SCAMP5: variants seen among roughly 807,000 people sequenced by gnomAD.
SCAMP5 encodes the protein secretory carrier-associated membrane protein 5.
Under a neutral mutation model 28.3 loss-of-function variants are expected in SCAMP5, and 7 were observed. The ratio of observed to expected loss-of-function variants is 0.25; its 90% confidence interval spans 0.14 to 0.46. SCAMP5 has a LOEUF of 0.46. Ranked by LOEUF, SCAMP5 falls within the 20% of genes least tolerant of loss-of-function variation. The pLI is 0.99. For synonymous variants in SCAMP5, 117 were observed against 116.4 expected (o/e 1.00, Z -0.03); for missense variants, 192 against 312.5 (o/e 0.61, Z 2.91).
chr15:75,018,808 G>A lies in SCAMP5; in HGVS notation c.533G>A (p.Gly178Glu), dbSNP rs1461389640. 6.2e-7 allele frequency: 1 copy of A among 1,605,260 alleles called. No homozygotes were observed. The highest frequency in any genetic ancestry group is 1.1e-5 in the South Asian group (1 of 89,136). ...ALSMVHKFYR[G>E]SGGSFSKAQE... ...CTACAGGTTCATAAATTTTACCGGG[G>A]AAGTGGGGGGAGTTTCAGCAAAGCT... The change falls in exon 7 of 7, where the codon GGA becomes GAA. Residue 178 changes from glycine to glutamate, a missense_variant. Transcript: ENST00000425597. This position sits in a 1 kb window ranked among gnomAD's most constrained non-coding sequence, Gnocchi z 5.6.
At chr15:75,004,189 C>G (rs923955968) in intron 1 of SCAMP5, among the ~76,000 whole-genome samples, 1 of 152,062 alleles carries the variant, frequency 6.6e-6, no homozygotes, top group Non-Finnish European at 1.5e-5. Context: ...CAGGCGTGAG[C>G]CACCACGTCT....
intron 1 of SCAMP5, among the ~76,000 whole-genome samples, chr15:75,003,408 T>G (rs2065727563): frequency 1.3e-5 from 2 of 152,342 alleles, no homozygotes; most frequent in Admixed American, 1.3e-4. Context: ...ATTTTTTTCT[T>G]GATATCCTTC....
rs563902936 is a variant in SCAMP5, at chr15:75,016,150, G to T, written c.137-443G>T. Among the ~76,000 whole-genome samples, 3 of 152,146 alleles carry T rather than the reference G, an allele frequency of 2.0e-5. No individual in the cohort carries two copies. In the South Asian group the frequency reaches 6.2e-4, roughly 32 times the overall value. Reference sequence around the variant, plus strand: ...ATTGCTGTGAGTCTGGGAGGGTCAGGGGCTGAAGCCATTCTTGACAAGGAC... The same window carrying T: ...ATTGCTGTGAGTCTGGGAGGGTCAGTGGCTGAAGCCATTCTTGACAAGGAC... On this transcript the variant is annotated intron_variant, in intron 3 of 6. Transcript: ENST00000425597.
chr15:75,001,246 G>A (rs892239944), intron 1 of SCAMP5, among the ~76,000 whole-genome samples: 6 of 135,190 alleles, frequency 4.4e-5, no homozygotes, highest in African/African-American at 1.7e-4. Context: ...CTGCACTCCA[G>A]CCTGGGCGAC....
chr15:75,005,260 T>C (rs9672995), intron 1 of SCAMP5, among the ~76,000 whole-genome samples: 45,747 of 151,344 alleles, frequency 0.3, 7,859 homozygotes, highest in South Asian at 0.58. Context: ...GTCGGGAGTT[T>C]GAGACCAGCC....
chr15:75,021,353 T>G lies in SCAMP5; in HGVS notation c.*2370T>G, dbSNP rs1368495900. 6.6e-6 allele frequency: 1 copy of G among 152,276 alleles called. No homozygotes were observed. Among genetic ancestry groups the G allele is most frequent in the Non-Finnish European group, 1.5e-5 (1 of 68,102 alleles). 9.4% of individuals were successfully genotyped at this position (152,276 alleles called of 1,614,324 possible). ...GGTCAGTTCTGGGGTCCCAGTGACC[T>G]GCTTTGCCATTCTCCTGGTGCCGCT... On this transcript the variant is annotated 3_prime_UTR_variant, in exon 7 of 7. Coordinates refer to ENST00000425597, the MANE Select transcript of SCAMP5 (RefSeq NM_138967.4).
chr15:75,004,341 T>C (rs2065736324), intron 1 of SCAMP5, among the ~76,000 whole-genome samples: 2 of 152,210 alleles, frequency 1.3e-5, no homozygotes, highest in Admixed American at 6.5e-5. Flanking sequence ...GTTTCTGCTT[T>C]ATGTATATGT....
At position 75,018,921 on chromosome 15, in the gene SCAMP5, A is replaced by G; in HGVS notation, c.646A>G (p.Met216Val). ...NAAMGAAQGA[M>V]NQPQTQYSAT... ...AGCCATGGGGGCAGCCCAGGGTGCC[A>G]TGAATCAGCCTCAGACTCAGTATTC... Residue 216 changes from methionine to valine, a missense_variant, in exon 7 of 7, where the codon ATG (methionine) becomes GTG (valine). Physicochemically the swap from Met to Val is conservative, Grantham distance 21. Transcript: ENST00000425597. This position sits in a 1 kb window ranked among gnomAD's most constrained non-coding sequence, Gnocchi z 5.6. 2.5e-6 allele frequency: 4 copies of G among 1,574,252 alleles called. No homozygotes were observed. Among genetic ancestry groups the G allele is most frequent in the South Asian group, 1.2e-5 (1 of 84,102 alleles).
chr15:75,012,927 T>G (rs950681337), intron 3 of SCAMP5, 122 bp downstream of exon 3: 12 of 928,196 alleles, frequency 1.3e-5, no homozygotes, highest in Admixed American at 1.1e-4. Context: ...TTGTGGCATA[T>G]GCATGGACCA....
intron 1 of SCAMP5, among the ~76,000 whole-genome samples, chr15:75,002,259 C>G (rs1324538285): frequency 1.3e-5 from 2 of 151,942 alleles, no homozygotes; most frequent in Non-Finnish European, 2.9e-5. Flanking sequence ...CTGTTAGGAT[C>G]AAGGCTTGTC....
chr15:75,012,420 A>G (rs2065819679), intron 2 of SCAMP5, among the ~76,000 whole-genome samples: 1 of 152,200 alleles, frequency 6.6e-6, no homozygotes, highest in African/African-American at 2.4e-5. Flanking sequence ...AGACAGTGTC[A>G]CTCAGAATTA....
chr15:75,016,099 C>G (rs779656247), intron 3 of SCAMP5, among the ~76,000 whole-genome samples: 35 of 152,116 alleles, frequency 2.3e-4, no homozygotes, highest in South Asian at 6.2e-4. Context: ...AGTGTAAGGT[C>G]GGTTTCCCAT....
Position 75,016,741 on chromosome 15 carries a change from G to T in SCAMP5, c.285G>T (p.Lys95Asn). The change falls in exon 4 of 7, where the codon AAG becomes AAT. Residue 95 changes from lysine (K) to asparagine (N), a missense_variant. Lys to Asn is a moderately conservative substitution (Grantham distance 94, BLOSUM62 0). Transcript: ENST00000425597. ...TCTGCTGGTTTCGGCCCATTTACAA[G>T]GCCTTCAAGTAAGTGGTTGGTGCTA... ...SYVCWFRPIYKAFKTDSSFSF... is the reference protein window; with the variant it reads ...SYVCWFRPIYNAFKTDSSFSF... The T allele has an allele frequency of 6.2e-7, 1 of 1,613,430 alleles. No individual in the cohort carries two copies. Among genetic ancestry groups the T allele is most frequent in the Non-Finnish European group, 8.5e-7 (1 of 1,179,662 alleles).
intron 1 of SCAMP5, among the ~76,000 whole-genome samples, chr15:75,010,209 C>G (rs2065798492): frequency 6.6e-6 from 1 of 152,138 alleles, no homozygotes; most frequent in African/African-American, 2.4e-5. Context: ...CATGTTTGTA[C>G]CCTCCAGATT....
intron 1 of SCAMP5, among the ~76,000 whole-genome samples, chr15:74,998,775 T>C (rs2065675567): frequency 6.6e-6 from 1 of 151,612 alleles, no homozygotes; most frequent in African/African-American, 2.4e-5. Flanking sequence ...CCCCAGATTC[T>C]CTCTGCCCTA....
Position 75,019,959 on chromosome 15 carries a change from C to T in SCAMP5, c.*976C>T. 6.5e-6 allele frequency: 1 copy of T among 153,418 alleles called. No individual in the cohort carries two copies. The highest frequency in any genetic ancestry group is 1.5e-5 in the Non-Finnish European group (1 of 68,702). 9.5% of individuals were successfully genotyped at this position (153,418 alleles called of 1,614,324 possible). A position where few individuals can be genotyped will look rare whatever the true frequency, so the allele number is the denominator to read the frequency against. ...CCCCTTGAGCCCCTCTGCCTATGTC[C>T]CTCTGCCTCCTCCCCATGCCCCCAG... On this transcript the variant is annotated 3_prime_UTR_variant, in exon 7 of 7. Coordinates refer to ENST00000425597, the MANE Select transcript of SCAMP5 (RefSeq NM_138967.4).
chr15:75,002,682 C>G (rs2065720945), intron 1 of SCAMP5, among the ~76,000 whole-genome samples: 1 of 151,900 alleles, frequency 6.6e-6, no homozygotes, highest in Non-Finnish European at 1.5e-5. Context: ...TCTGGGCTTT[C>G]CTCGTGTCTC....
chr15:75,003,033 C>T (rs1371449600), intron 1 of SCAMP5, among the ~76,000 whole-genome samples: 2 of 152,264 alleles, frequency 1.3e-5, no homozygotes, highest in African/African-American at 4.8e-5. Flanking sequence ...TGGGCTCAAG[C>T]GATTCTCCTG....
chr15:75,011,903 G>C, intron 2 of SCAMP5, 57 bp downstream of exon 2: 1 of 1,487,062 alleles, frequency 6.7e-7, no homozygotes, highest in Non-Finnish European at 9.4e-7. Context: ...AGCGTGGATG[G>C]CCCTCTTCCT....
Sources: allele counts gnomAD v4.1 joint callset (sites outside exome capture counted in the v4.1 genomes callset), GRCh38; gene constraint gnomAD v4.1.1; non-coding constraint Gnocchi (gnomAD v3.1); transcripts MANE v1.5; gene names NCBI Gene and HGNC (gene_info 2026-07-23, HGNC 2026-07-21).